PCDHA8: variants seen among roughly 807,000 people sequenced by gnomAD.
PCDHA8 encodes the protein protocadherin alpha-8.
A neutral mutation model predicts 61.8 loss-of-function variants in PCDHA8; 53 were observed. The observed-to-expected ratio is 0.86, with a 90% confidence interval of 0.69 to 1.08. The LOEUF (loss-of-function observed/expected upper bound fraction) is 1.08. PCDHA8 is among the 50% of genes least tolerant of loss of function. The pLI, the probability that PCDHA8 is intolerant of heterozygous loss-of-function variation, is 0.00. For synonymous variants in PCDHA8, 618 were observed against 556.6 expected (o/e 1.11, Z -1.55); for missense variants, 1,293 against 1,245.0 (o/e 1.04, Z -0.58).
intron 1 of PCDHA8, among the ~76,000 whole-genome samples, chr5:140,880,522 T>C (rs2058372712): frequency 6.6e-6 from 1 of 152,232 alleles, no homozygotes; most frequent in South Asian, 2.1e-4. Flanking sequence ...CATCTCTCAA[T>C]GTGTGAATCA....
At chr5:140,904,303 G>A (rs1176685220) in intron 1 of PCDHA8, among the ~76,000 whole-genome samples, 3 of 151,902 alleles carry the variant, frequency 2.0e-5, no homozygotes, top group African/African-American at 7.3e-5. Flanking sequence ...CCATTCCTGA[G>A]TTTCTTCACT....
chr5:140,846,705 G>C (rs1780632800), intron 1 of PCDHA8, among the ~76,000 whole-genome samples: 1 of 149,364 alleles, frequency 6.7e-6, no homozygotes, highest in Admixed American at 6.7e-5. Context: ...AGAGAAGATT[G>C]TAATAACCAG....
intron 1 of PCDHA8, among the ~76,000 whole-genome samples, chr5:140,912,160 C>T (rs1208125180): frequency 6.6e-6 from 1 of 152,134 alleles, no homozygotes. Context: ...TGTTTTTATT[C>T]TGGCTGTGCT....
chr5:140,929,713 G>A (rs1328262633), intron 1 of PCDHA8: 3 of 235,294 alleles, frequency 1.3e-5, no homozygotes, highest in Non-Finnish European at 2.6e-5. Flanking sequence ...TAATATGGAA[G>A]GTGAAACATT....
chr5:140,881,319 T>C lies in PCDHA8; in HGVS notation c.2394+37604T>C, dbSNP rs183772489. Reference sequence around the variant, plus strand: ...AAACTTTAACCTCCTGGTTAAATTCTATTTAACCAGGACGCCGATTCGGGC... The same window carrying C: ...AAACTTTAACCTCCTGGTTAAATTCCATTTAACCAGGACGCCGATTCGGGC... On this transcript the variant is annotated intron_variant, in intron 1 of 3. Transcript: ENST00000531613. 1.0e-4 allele frequency: 101 copies of C among 979,186 alleles called. No individual in the cohort carries two copies. The African/African-American group carries it at 1.7e-3, about 17-fold the overall frequency. 60.7% of individuals were successfully genotyped at this position (979,186 alleles called of 1,614,324 possible).
rs146195620 is a variant in PCDHA8, at chr5:140,842,865, G to A, written c.1544G>A (p.Gly515Asp). The A allele has an allele frequency of 1.3e-6, 2 of 1,593,868 alleles. 1 individual carries two copies. The highest frequency in any genetic ancestry group is 1.7e-6 in the Non-Finnish European group (2 of 1,165,400). ...TACATTTCGGTGCACACGGAGAGCGGCAAGGTGTACGCGCTGCAGCCGCTG... is the reference window on the plus strand; with the variant it reads ...TACATTTCGGTGCACACGGAGAGCGACAAGGTGTACGCGCTGCAGCCGCTG... ...SSYISVHTESGKVYALQPLDH... is the reference protein window; with the variant it reads ...SSYISVHTESDKVYALQPLDH... Residue 515 changes from glycine to aspartate, a missense_variant, in exon 1 of 4, where the codon GGC (glycine) becomes GAC (aspartate). By Grantham distance (94) the Gly-to-Asp change is moderately conservative. Coordinates refer to ENST00000531613, the MANE Select transcript of PCDHA8 (RefSeq NM_018911.3).
At chr5:140,982,711 A>T (rs370595783) in intron 3 of PCDHA8, 148 bp downstream of exon 3, 2 of 1,370,268 alleles carry the variant, frequency 1.5e-6, no homozygotes, top group African/African-American at 2.9e-5. Context: ...TTCCTTACAT[A>T]TATGATTATT....
intron 1 of PCDHA8, chr5:140,870,835 A>G (rs1304748663): frequency 1.9e-6 from 3 of 1,613,670 alleles, no homozygotes; most frequent in Admixed American, 3.3e-5. Context: ...CGCAGTTAAC[A>G]AGCTAGTACC....
rs2150385569 is a variant in PCDHA8 at position 140,846,184 on chromosome 5, G to T, written c.2394+2469G>T. 1.3e-5 allele frequency among the ~76,000 whole-genome samples: 2 copies of T among 149,364 alleles called. 1 individual carries two copies. Among genetic ancestry groups the T allele is most frequent in the Non-Finnish European group, 3.0e-5 (2 of 66,864 alleles). ...CCTGCAGAGGCCTGAGTAGGCGTTT[G>T]AGTTCTTTGTATGTATGAGATCTTT... On this transcript the variant is annotated intron_variant, in intron 1 of 3. Coordinates refer to ENST00000531613, the MANE Select transcript of PCDHA8 (RefSeq NM_018911.3).
At chr5:140,928,157 C>T (rs782528366) in intron 1 of PCDHA8, 9 of 1,614,200 alleles carry the variant, frequency 5.6e-6, no homozygotes, top group Non-Finnish European at 7.6e-6. Flanking sequence ...GATAGTGGCT[C>T]ACCCCCACTT....
chr5:140,865,649 T>C (rs781986812), intron 1 of PCDHA8: 5 of 152,204 alleles, frequency 3.3e-5, no homozygotes, highest in Non-Finnish European at 5.9e-5. Flanking sequence ...AATACATTAT[T>C]TCATTTAATA....
chr5:141,005,287 A>AT (rs1405339052), intron 3 of PCDHA8, among the ~76,000 whole-genome samples: 5 of 152,162 alleles, frequency 3.3e-5, no homozygotes, highest in Admixed American at 1.3e-4. Context: ...AAACAGATAC[A>AT]TTTTTTGCCT....
At chr5:140,924,209 A>T (rs1470255016) in intron 1 of PCDHA8, among the ~76,000 whole-genome samples, 1 of 152,242 alleles carries the variant, frequency 6.6e-6, no homozygotes, top group Non-Finnish European at 1.5e-5. Flanking sequence ...AAATTTGGTG[A>T]AGAATAAGTT....
chr5:140,869,525 T>C, intron 1 of PCDHA8: 2 of 1,614,200 alleles, frequency 1.2e-6, no homozygotes, highest in Admixed American at 1.7e-5. Context: ...CAAAAGCTGC[T>C]GATTGCGGAA....
At chr5:140,869,771 C>T (rs1554163429) in intron 1 of PCDHA8, 11 of 1,613,176 alleles carry the variant, frequency 6.8e-6, no homozygotes, top group Middle Eastern at 1.6e-4. Flanking sequence ...CCAGAGCTTA[C>T]TGGCACCGTT....
At chr5:140,884,634 G>A in intron 1 of PCDHA8, 1 of 1,612,414 alleles carries the variant, frequency 6.2e-7, no homozygotes, top group Non-Finnish European at 8.5e-7. Context: ...ACAGGCCAGA[G>A]GGAGGAGGAC....
intron 1 of PCDHA8, chr5:140,851,195 TAGTC>T (rs1233299239): frequency 1.2e-5 from 14 of 1,207,754 alleles, no homozygotes; most frequent in Non-Finnish European, 1.5e-5. Context: ...ATTTAGTTGT[TAGTC>T]ATTCATTAAA....
chr5:140,905,771 G>A lies in PCDHA8; in HGVS notation c.2394+62056G>A, dbSNP rs112500166. ...TCACCTCCTTGGTTAAGTATATTCC[G>A]AAGTGTATTAGTCAGGGTTCTCTAG... is the stretch of plus-strand genomic sequence containing the variant. On this transcript the variant is annotated intron_variant, in intron 1 of 3. Coordinates refer to ENST00000531613, the MANE Select transcript of PCDHA8 (RefSeq NM_018911.3). Among the ~76,000 whole-genome samples the A allele has an allele frequency of 4.4e-3, 670 of 152,104 alleles. 7 individuals are homozygous for A. Among genetic ancestry groups the A allele is most frequent in the African/African-American group, 0.015 (623 of 41,484 alleles).
At chr5:140,979,067 A>C (rs1938790025) in intron 2 of PCDHA8, 60 bp downstream of exon 2, 1 of 1,601,882 alleles carries the variant, frequency 6.2e-7, no homozygotes, top group Non-Finnish European at 8.5e-7. Flanking sequence ...GCTCAGATAA[A>C]CTGCATCTCC....
Sources: allele counts gnomAD v4.1 joint callset (sites outside exome capture counted in the v4.1 genomes callset), GRCh38; gene constraint gnomAD v4.1.1; transcripts MANE v1.5; gene names NCBI Gene and HGNC (gene_info 2026-07-23, HGNC 2026-07-21).